DZIP1: variants seen among roughly 807,000 people sequenced by gnomAD.
DZIP1 encodes the protein cilium assembly protein DZIP1.
DZIP1 carries 97 observed loss-of-function variants against 107.6 expected under a neutral mutation model. The ratio of observed to expected loss-of-function variants is 0.90; its 90% CI spans 0.77 to 1.07. The LOEUF (loss-of-function observed/expected upper bound fraction) is 1.07, where lower values mean the gene tolerates loss of function less well. Ranked by LOEUF, DZIP1 falls within the 50% of genes least tolerant of loss-of-function variation. The pLI, the probability that DZIP1 is intolerant of heterozygous loss-of-function variation, is 0.00. For synonymous variants in DZIP1, 390 were observed against 386.4 expected (o/e 1.01, Z -0.11); for missense variants, 1,035 against 1,063.6 (o/e 0.97, Z 0.37).
intron 5 of DZIP1, among the ~76,000 whole-genome samples, chr13:95,638,669 C>G (rs1378471110): frequency 6.9e-6 from 1 of 145,156 alleles, no homozygotes. Context: ...ACACGCACAC[C>G]CCATGGGGGA....
chr13:95,605,940 A>T, intron 14 of DZIP1, 63 bp downstream of exon 14: 1 of 1,519,006 alleles, frequency 6.6e-7, no homozygotes, highest in South Asian at 1.2e-5. Flanking sequence ...CTTTTGGTTA[A>T]TAAGTTATCC....
chr13:95,639,681 G>GA (rs11436964), intron 5 of DZIP1, among the ~76,000 whole-genome samples: 119,279 of 150,112 alleles, frequency 0.79, 48,792 homozygotes, highest in Non-Finnish European at 0.9. Context: ...CCCAAAAAAG[G>GA]AAAAAAAAGT....
At chr13:95,631,635 C>A (rs1211179873) in intron 6 of DZIP1, among the ~76,000 whole-genome samples, 1 of 152,124 alleles carries the variant, frequency 6.6e-6, no homozygotes, top group Admixed American at 6.5e-5. Flanking sequence ...GTCCCCTCCC[C>A]TCTCTTGCGT....
At chr13:95,612,462 G>A (rs901579624) in intron 10 of DZIP1, among the ~76,000 whole-genome samples, 2 of 152,160 alleles carry the variant, frequency 1.3e-5, no homozygotes, top group African/African-American at 2.4e-5. Context: ...GATGAGCAAC[G>A]ATAAAGGATT....
rs372450971 is a variant in DZIP1 at position 95,611,426 on chromosome 13, C to A, written c.1363+19G>T. The A allele has an allele frequency of 5.0e-6, 8 of 1,610,680 alleles. No individual in the cohort carries two copies. The East Asian group carries it at 1.8e-4, about 36-fold the overall frequency. ...GGGAGGTTCCCCTTGCCGCCAGTAC[C>A]GGGATCCCATCCACTTACCTTTGGG... On this transcript the variant is annotated intron_variant, in intron 12 of 22. Transcript: ENST00000376829.
chr13:95,578,225 GT>G lies in DZIP1; in HGVS notation c.*4008del, dbSNP rs2043965482. On this transcript the variant is annotated 3_prime_UTR_variant, in exon 23 of 23. Coordinates refer to ENST00000376829, the MANE Select transcript of DZIP1 (RefSeq NM_198968.4). ...TGTGGCTTTCTATAAAAAATAAACA[GT>G]TTATTTACAGGATTTGTAAAATGTT... The G allele has an allele frequency of 2.8e-6, 1 of 360,576 alleles. No individual in the cohort carries two copies. Among genetic ancestry groups the G allele is most frequent in the Non-Finnish European group, 5.0e-6 (1 of 200,650 alleles). The allele number at this position is 360,576 out of a possible 1,614,324, so 22.3% of individuals were successfully genotyped here.
At chr13:95,589,276 T>C (rs1021216596) in intron 18 of DZIP1, 69 bp from the exon 19 acceptor site, 6 of 1,288,158 alleles carry the variant, frequency 4.7e-6, no homozygotes, top group African/African-American at 1.5e-5. Context: ...TACATTTCTA[T>C]GGAACTGGTG....
chr13:95,643,809 C>G (rs1022042850), intron 1 of DZIP1, 111 bp from the exon 2 acceptor site: 2 of 152,300 alleles, frequency 1.3e-5, no homozygotes, highest in African/African-American at 4.8e-5. Flanking sequence ...AGCTCCTGGC[C>G]CTTTATCCCT....
chr13:95,641,870 AAG>A lies in DZIP1; in HGVS notation c.37-17_37-16del, dbSNP rs770686103. 7.4e-5 allele frequency: 104 copies of A among 1,409,228 alleles called. 1 individual carries two copies. In the Middle Eastern group the frequency reaches 2.7e-3, roughly 36 times the overall value. The allele number at this position is 1,409,228 out of a possible 1,614,324, so 87.3% of individuals were successfully genotyped here. A position where few individuals can be genotyped will look rare whatever the true frequency, so the allele number is the denominator to read the frequency against. The stretch of plus-strand genomic sequence containing the variant: ...TTCTGGAAGGGCTGCGGGGGGCACA[AAG>A]AGAGCGCGGCGGGAGGCGGGGATGG... On this transcript the variant is annotated splice_polypyrimidine_tract_variant and intron_variant, in intron 4 of 22. Transcript: ENST00000376829. This position sits in a 1 kb window ranked among gnomAD's most constrained non-coding sequence, Gnocchi z 4.3.
intron 7 of DZIP1, among the ~76,000 whole-genome samples, chr13:95,625,174 C>T (rs537126934): frequency 6.6e-6 from 1 of 152,270 alleles, no homozygotes; most frequent in South Asian, 2.1e-4. Flanking sequence ...CCAAAGCCTC[C>T]AGCTTTTTGT....
At chr13:95,610,055 A>AGTGT (rs58398816) in intron 12 of DZIP1, among the ~76,000 whole-genome samples, 1,779 of 109,022 alleles carry the variant, frequency 0.016, 39 homozygotes, top group East Asian at 0.049. Context: ...TGACTGGTTT[A>AGTGT]GTGTGTGTGT....
At chr13:95,625,017 A>G in intron 7 of DZIP1, 88 bp from the exon 8 acceptor site, 2 of 1,189,338 alleles carry the variant, frequency 1.7e-6, no homozygotes, top group Non-Finnish European at 2.3e-6. Context: ...CATCACTTCA[A>G]AAATGTTAGC....
chr13:95,604,438 C>G (rs58692855), intron 14 of DZIP1, among the ~76,000 whole-genome samples: 2,922 of 152,318 alleles, frequency 0.019, 94 homozygotes, highest in African/African-American at 0.067. Flanking sequence ...CACAAATAAG[C>G]TTTGATCCCC....
chr13:95,599,824 C>T (rs1698744303), intron 14 of DZIP1, among the ~76,000 whole-genome samples: 1 of 152,110 alleles, frequency 6.6e-6, no homozygotes, highest in Non-Finnish European at 1.5e-5. Flanking sequence ...TTAAAAATTC[C>T]CAAGGTCCTG....
chr13:95,589,734 G>A, intron 18 of DZIP1, 69 bp downstream of exon 18: 1 of 1,547,762 alleles, frequency 6.5e-7, no homozygotes, highest in Non-Finnish European at 8.7e-7. Flanking sequence ...CCAGTCTATG[G>A]TATTTTGTTA....
At chr13:95,596,060 T>C (rs1434174259) in intron 15 of DZIP1, among the ~76,000 whole-genome samples, 1 of 152,086 alleles carries the variant, frequency 6.6e-6, no homozygotes, top group Admixed American at 6.5e-5. Context: ...TGGGAAACCA[T>C]TTATGAATAA....
intron 22 of DZIP1, among the ~76,000 whole-genome samples, chr13:95,583,118 A>G (rs1295011471): frequency 6.6e-6 from 1 of 152,182 alleles, no homozygotes; most frequent in African/African-American, 2.4e-5. Context: ...AAGGGTGGAG[A>G]CATGCAGGTA....
chr13:95,637,571 C>A (rs1204423223), intron 5 of DZIP1, among the ~76,000 whole-genome samples: 1 of 151,320 alleles, frequency 6.6e-6, no homozygotes, highest in Non-Finnish European at 1.5e-5. Context: ...GACCCCTTCA[C>A]TTTAAAAAAA....
chr13:95,614,801 T>G (rs908561278), intron 10 of DZIP1, among the ~76,000 whole-genome samples: 1 of 152,274 alleles, frequency 6.6e-6, no homozygotes, highest in South Asian at 2.1e-4. Context: ...ATCGCTTATC[T>G]GTGACTGCCT....
Sources: gnomAD v4.1 joint callset for allele counts (sites outside exome capture counted in the v4.1 genomes callset) on GRCh38, gnomAD v4.1.1 for gene constraint, Gnocchi (gnomAD v3.1) non-coding constraint, MANE v1.5 for transcripts, NCBI Gene and HGNC (gene_info 2026-07-23, HGNC 2026-07-21) for gene names.